The following CLMP variants were observed in gnomAD, a reference collection of about 807,000 sequenced individuals.
CLMP encodes the protein CXADR-like membrane protein.
Under a neutral mutation model 45.2 loss-of-function variants are expected in CLMP, and 27 were observed. The observed-to-expected ratio is 0.60, with a 90% CI of 0.44 to 0.82. The LOEUF (loss-of-function observed/expected upper bound fraction) is 0.82, where lower values mean the gene tolerates loss of function less well. Ranked by LOEUF, CLMP falls within the 40% of genes least tolerant of loss-of-function variation. The pLI is 0.00. For missense variants in CLMP, 403 were observed against 448.4 expected, an observed-to-expected ratio of 0.90 and a Z score of 0.91; for synonymous variants, 167 against 171.4, an observed-to-expected ratio of 0.97 and a Z score of 0.20.
intron 1 of CLMP, among the ~76,000 whole-genome samples, chr11:123,133,241 A>G (rs991610548): frequency 3.5e-4 from 54 of 152,280 alleles, no homozygotes; most frequent in African/African-American, 1.2e-3. Context: ...TCACATGAAC[A>G]CAGACTCCTT....
chr11:123,195,008 C>T lies in CLMP; in HGVS notation c.-68G>A, dbSNP rs1323716461. On this transcript the variant is annotated 5_prime_UTR_variant, in exon 1 of 7. Coordinates refer to ENST00000448775, the MANE Select transcript of CLMP (RefSeq NM_024769.5). The stretch of plus-strand genomic sequence containing the variant: ...TGGCTCCGGGGCGGCCGGGCGCCTC[C>T]GACGGACCTCGGGCGAGCTGGGCGC... 3.9e-6 allele frequency: 6 copies of T among 1,531,174 alleles called. No homozygotes were observed. In the East Asian group the frequency reaches 7.5e-5, roughly 19 times the overall value. 94.8% of individuals were successfully genotyped at this position (1,531,174 alleles called of 1,614,324 possible). A position where few individuals can be genotyped will look rare whatever the true frequency, so the allele number is the denominator to read the frequency against.
chr11:123,119,097 T>A (rs1203821215), intron 1 of CLMP, among the ~76,000 whole-genome samples: 1 of 132,652 alleles, frequency 7.5e-6, no homozygotes, highest in Non-Finnish European at 1.6e-5. Context: ...CTCTTTCTTT[T>A]TTTGAGATGG....
intron 1 of CLMP, among the ~76,000 whole-genome samples, chr11:123,125,576 C>T (rs1860881250): frequency 7.5e-6 from 1 of 132,944 alleles, no homozygotes. Flanking sequence ...TCCCTCCCTC[C>T]CTCCCTCCTT....
At chr11:123,086,914 CTG>C (rs1412756336) in intron 2 of CLMP, among the ~76,000 whole-genome samples, 1 of 152,132 alleles carries the variant, frequency 6.6e-6, no homozygotes, top group African/African-American at 2.4e-5. Context: ...AAAAATGTAA[CTG>C]GGTGCGGTGG....
chr11:123,117,239 A>T (rs1860731798), intron 1 of CLMP, among the ~76,000 whole-genome samples: 1 of 151,990 alleles, frequency 6.6e-6, no homozygotes, highest in African/African-American at 2.4e-5. Context: ...ATATATATGT[A>T]TATATATAAT....
At chr11:123,102,707 CTTTTT>C (rs34392557) in intron 1 of CLMP, among the ~76,000 whole-genome samples, 3 of 93,290 alleles carry the variant, frequency 3.2e-5, no homozygotes, top group Non-Finnish European at 5.8e-5. Context: ...TCCCGAGTAG[CTTTTT>C]TTTTTTTTTT....
At chr11:123,141,288 C>T (rs1861154078) in intron 1 of CLMP, among the ~76,000 whole-genome samples, 2 of 147,498 alleles carry the variant, frequency 1.4e-5, no homozygotes, top group South Asian at 2.2e-4. Flanking sequence ...AGGTTCACAC[C>T]ATTCTCCTGC....
At chr11:123,087,203 G>A (rs1865875453) in intron 2 of CLMP, among the ~76,000 whole-genome samples, 1 of 152,180 alleles carries the variant, frequency 6.6e-6, no homozygotes, top group Non-Finnish European at 1.5e-5. Flanking sequence ...CGGGCGTGAT[G>A]GCGCATGCCT....
In CLMP at chr11:123,084,690, A is replaced by G; in HGVS notation, c.210T>C (p.His70=). The change falls in exon 3 of 7, where the codon CAT becomes CAC. Residue 70 remains histidine (H), a synonymous_variant. Coordinates refer to ENST00000448775, the MANE Select transcript of CLMP (RefSeq NM_024769.5). ...GTTCCTCAGTCAAGTTATTGTAGACATGACGACTGGAGTAAGTGATCACCT... is the reference window on the plus strand; with the variant it reads ...GTTCCTCAGTCAAGTTATTGTAGACGTGACGACTGGAGTAAGTGATCACCT... ...QKVVITYSSR[H]VYNNLTEEQK... is the part of the protein sequence containing the mutation. The G allele has an allele frequency of 1.9e-6, 3 of 1,614,214 alleles. No individual in the cohort carries two copies. Among genetic ancestry groups the G allele is most frequent in the African/African-American group, 1.3e-5 (1 of 75,052 alleles).
intron 1 of CLMP, among the ~76,000 whole-genome samples, chr11:123,189,498 G>A (rs377592590): frequency 2.6e-5 from 4 of 152,080 alleles, no homozygotes; most frequent in African/African-American, 7.2e-5. Flanking sequence ...AATATACTTC[G>A]TAAACTACTA....
intron 2 of CLMP, among the ~76,000 whole-genome samples, chr11:123,088,399 T>C (rs1239902114): frequency 2.6e-5 from 4 of 152,198 alleles, no homozygotes; most frequent in African/African-American, 9.7e-5. Flanking sequence ...GAACACTTAC[T>C]AGGTGCTCTG....
rs370750162 is a variant in CLMP, at chr11:123,107,534, A to ATTTTTTTTT, written c.29-9591_29-9583dup. Among the ~76,000 whole-genome samples the ATTTTTTTTT allele has an allele frequency of 5.7e-5, 7 of 123,410 alleles. 2 individuals carry two copies. The highest frequency in any genetic ancestry group is 1.2e-4 in the Non-Finnish European group (7 of 59,654). The allele number at this position is 123,410 out of a possible 152,430, so 81.0% of individuals were successfully genotyped here. A position where few individuals can be genotyped will look rare whatever the true frequency, so the allele number is the denominator to read the frequency against. On this transcript the variant is annotated intron_variant, in intron 1 of 6. Coordinates refer to ENST00000448775, the MANE Select transcript of CLMP (RefSeq NM_024769.5). The stretch of plus-strand genomic sequence containing the variant: ...GTGCGAGCCACCGCACCTGACCTAA[A>ATTTTTTTTT]TTTTTTTTTTTTTTTTTTTCAGAAA...
At chr11:123,091,681 C>T (rs562244606) in intron 2 of CLMP, among the ~76,000 whole-genome samples, 9 of 152,256 alleles carry the variant, frequency 5.9e-5, no homozygotes, top group African/African-American at 2.2e-4. Context: ...ATTATTTGCT[C>T]AGTGTTAAGG....
At chr11:123,103,103 G>A (rs1437413692) in intron 1 of CLMP, among the ~76,000 whole-genome samples, 7 of 152,158 alleles carry the variant, frequency 4.6e-5, no homozygotes, top group African/African-American at 1.2e-4. Context: ...CTCATTTAGC[G>A]GCAGAAATAA....
At chr11:123,085,302 G>A (rs1865850994) in intron 2 of CLMP, among the ~76,000 whole-genome samples, 1 of 151,562 alleles carries the variant, frequency 6.6e-6, no homozygotes. Context: ...AGGCTGAAGT[G>A]CAGTGGCACA....
At chr11:123,189,464 A>C (rs1861877678) in intron 1 of CLMP, among the ~76,000 whole-genome samples, 2 of 152,224 alleles carry the variant, frequency 1.3e-5, no homozygotes, top group South Asian at 4.1e-4. Flanking sequence ...TCAAAGAGTG[A>C]TTTGAGGTGA....
chr11:123,105,901 C>T (rs1175058478), intron 1 of CLMP, among the ~76,000 whole-genome samples: 1 of 151,744 alleles, frequency 6.6e-6, no homozygotes, highest in Non-Finnish European at 1.5e-5. Flanking sequence ...ACTGCAACCT[C>T]CGCCTCCCGG....
intron 1 of CLMP, among the ~76,000 whole-genome samples, chr11:123,188,411 TCCTCCTCTTCC>T (rs1861861379): frequency 1.3e-4 from 2 of 15,366 alleles, no homozygotes; most frequent in South Asian, 5.8e-3. Flanking sequence ...TGTGCCTTCC[TCCTCCTCTTCC>T]TCCTCCTCTT....
chr11:123,082,938 G>T, intron 5 of CLMP, 147 bp downstream of exon 5: 1 of 939,754 alleles, frequency 1.1e-6, no homozygotes, highest in Non-Finnish European at 1.6e-6. Context: ...TGCAACTACT[G>T]AATTTATTTT....
Sources: allele counts gnomAD v4.1 joint callset (sites outside exome capture counted in the v4.1 genomes callset), GRCh38; gene constraint gnomAD v4.1.1; transcripts MANE v1.5; gene names NCBI Gene and HGNC (gene_info 2026-07-23, HGNC 2026-07-21).